Variants in LGSN observed in about 807,000 individuals in gnomAD.
LGSN encodes lengsin.
LGSN carries 21 observed loss-of-function variants against 19.5 expected under a neutral mutation model. That is an observed-to-expected ratio of 1.07 (90% CI 0.76 to 1.55). The LOEUF is 1.55. LGSN is among the 40% of genes most tolerant of loss of function. The pLI, the probability that LGSN is intolerant of heterozygous loss-of-function variation, is 0.00. For synonymous variants in LGSN, 257 were observed against 215.6 expected (o/e 1.19, Z -1.68); for missense variants, 673 against 608.5 (o/e 1.11, Z -1.12).
At chr6:63,341,260 G>A in the LGSN span, among the ~76,000 whole-genome samples, 3 of 152,152 alleles carry the variant, frequency 2.0e-5, no homozygotes, top group Admixed American at 2.0e-4. Context: ...AGTGGGCAGG[G>A]CCGGCCGATC....
the LGSN span, among the ~76,000 whole-genome samples, chr6:63,498,967 A>G: frequency 1.3e-5 from 2 of 152,144 alleles, no homozygotes; most frequent in East Asian, 3.8e-4. Context: ...ACCCACCTAA[A>G]GCACGTACTT....
the LGSN span, among the ~76,000 whole-genome samples, chr6:63,385,344 T>G: frequency 6.6e-6 from 1 of 152,216 alleles, no homozygotes; most frequent in Non-Finnish European, 1.5e-5. Flanking sequence ...AACTTATTTC[T>G]TAATGATGCT....
the LGSN span, among the ~76,000 whole-genome samples, chr6:63,417,885 T>C: frequency 0.021 from 3,176 of 152,202 alleles, 120 homozygotes; most frequent in African/African-American, 0.072. Flanking sequence ...TATATGCCAA[T>C]AAGATTGAGA....
the LGSN span, among the ~76,000 whole-genome samples, chr6:63,533,838 T>TAATC: frequency 1.7e-3 from 265 of 151,796 alleles, 1 homozygote; most frequent in Non-Finnish European, 3.4e-3. Flanking sequence ...CTTTTTTAAT[T>TAATC]AATTAATTAA....
chr6:63,419,642 A>T, the LGSN span, among the ~76,000 whole-genome samples: 2 of 151,928 alleles, frequency 1.3e-5, no homozygotes, highest in African/African-American at 4.8e-5. Context: ...TAATCCTAGC[A>T]CTTTGGGAGG....
chr6:63,547,883 C>T, the LGSN span, among the ~76,000 whole-genome samples: 2 of 152,262 alleles, frequency 1.3e-5, no homozygotes, highest in East Asian at 1.9e-4. Flanking sequence ...CTTTCCAACA[C>T]TTATTTATTT....
At chr6:63,572,729 C>A in the LGSN span, 1 of 398,442 alleles carries the variant, frequency 2.5e-6, no homozygotes, top group Non-Finnish European at 4.4e-6. Context: ...TGTGAGTAGC[C>A]GTCGCATCGT....
At chr6:63,368,751 T>C in the LGSN span, among the ~76,000 whole-genome samples, 1 of 152,228 alleles carries the variant, frequency 6.6e-6, no homozygotes, top group East Asian at 1.9e-4. Flanking sequence ...AAGACAAAGA[T>C]TTTTATCTTG....
At chr6:63,544,229 G>A in the LGSN span, among the ~76,000 whole-genome samples, 2 of 152,130 alleles carry the variant, frequency 1.3e-5, no homozygotes, top group Non-Finnish European at 2.9e-5. Flanking sequence ...ATGAAGAAAA[G>A]ATGCAAGAAA....
the LGSN span, chr6:63,571,044 TC>T: frequency 6.6e-6 from 1 of 152,222 alleles, no homozygotes; most frequent in Non-Finnish European, 1.5e-5. Context: ...GGGACATATT[TC>T]TCAAGTGTGC....
chr6:63,568,731 AATC>A, the LGSN span, among the ~76,000 whole-genome samples: 1 of 152,212 alleles, frequency 6.6e-6, no homozygotes, highest in Non-Finnish European at 1.5e-5. Flanking sequence ...TATTTTTAAT[AATC>A]ATATAAGAAA....
the LGSN span, among the ~76,000 whole-genome samples, chr6:63,493,025 C>T: frequency 2.0e-5 from 3 of 152,172 alleles, no homozygotes; most frequent in Non-Finnish European, 2.9e-5. Context: ...ACCATTGGTA[C>T]TCTTTATTAA....
At chr6:63,525,451 C>T in the LGSN span, among the ~76,000 whole-genome samples, 3 of 152,216 alleles carry the variant, frequency 2.0e-5, no homozygotes, top group Non-Finnish European at 4.4e-5. Flanking sequence ...AGCTGTGGTT[C>T]TTCACGCCAG....
chr6:63,508,225 G>C, the LGSN span, among the ~76,000 whole-genome samples: 3 of 152,128 alleles, frequency 2.0e-5, no homozygotes, highest in Non-Finnish European at 2.9e-5. Context: ...GGACATTAAA[G>C]CTGAAAAAAT....
At chr6:63,375,780 G>C in the LGSN span, among the ~76,000 whole-genome samples, 1 of 152,090 alleles carries the variant, frequency 6.6e-6, no homozygotes. Flanking sequence ...TAGCATGTTA[G>C]GAAGTGAGTA....
At chr6:63,553,331 G>A in the LGSN span, among the ~76,000 whole-genome samples, 1 of 152,150 alleles carries the variant, frequency 6.6e-6, no homozygotes, top group Non-Finnish European at 1.5e-5. Flanking sequence ...TAGCGACTCG[G>A]GTTCAGATAG....
the LGSN span, among the ~76,000 whole-genome samples, chr6:63,464,263 C>T: frequency 9.7e-3 from 1,477 of 152,166 alleles, 16 homozygotes; most frequent in African/African-American, 0.033. Flanking sequence ...ATGGTAATAA[C>T]AATCCCTCCC....
the LGSN span, among the ~76,000 whole-genome samples, chr6:63,429,297 C>T: frequency 6.6e-6 from 1 of 152,214 alleles, no homozygotes; most frequent in South Asian, 2.1e-4. Context: ...AAATCCTTTC[C>T]TCTCACTATT....
the LGSN span, among the ~76,000 whole-genome samples, chr6:63,336,519 CTGTGTG>C: frequency 0.02 from 2,609 of 132,062 alleles, 32 homozygotes; most frequent in South Asian, 0.04. Flanking sequence ...TATAGAATAT[CTGTGTG>C]TGTGTGTGTG....
Sources: allele counts gnomAD v4.1 joint callset (sites outside exome capture counted in the v4.1 genomes callset), GRCh38; gene constraint gnomAD v4.1.1; transcripts MANE v1.5; gene names NCBI Gene and HGNC (gene_info 2026-07-23, HGNC 2026-07-21).